Variants in DSEL observed in about 807,000 individuals in gnomAD.
DSEL encodes dermatan-sulfate epimerase-like protein.
DSEL carries 61 observed loss-of-function variants against 96.6 expected under a neutral mutation model. The ratio of observed to expected loss-of-function variants is 0.63; its 90% confidence interval spans 0.51 to 0.78. DSEL has a LOEUF of 0.78. Among genes scored for constraint, DSEL ranks in the 30% least tolerant of loss-of-function variants. The pLI is 0.00. For synonymous variants in DSEL, 514 were observed against 502.0 expected (o/e 1.02, Z -0.32); for missense variants, 1,320 against 1,430.8 (o/e 0.92, Z 1.25).
In DSEL at chr18:67,510,964, C is replaced by A. The variant is rs1449910527; in HGVS notation, c.*6G>T. 1.3e-6 allele frequency: 2 copies of A among 1,551,486 alleles called. No individual in the cohort carries two copies. Among genetic ancestry groups the A allele is most frequent in the South Asian group, 1.3e-5 (1 of 78,826 alleles). ...ATTAGTGCAAATTTCTGCTGACCTG[C>A]AGCATTTAGTCCATAAACTTTGGAT... is the stretch of plus-strand genomic sequence containing the variant. On this transcript the variant is annotated 3_prime_UTR_variant, in exon 2 of 2. Transcript: ENST00000310045.
At position 67,515,078 on chromosome 18, in the gene DSEL, G is replaced by A. The variant is rs11874529; in HGVS notation, c.-470C>T. 0.034 allele frequency: 5,895 copies of A among 172,796 alleles called. 375 individuals carry two copies. The highest frequency in any genetic ancestry group is 0.13 in the African/African-American group (5,594 of 41,740). The allele number at this position is 172,796 out of a possible 1,614,324, so 10.7% of individuals were successfully genotyped here. A position where few individuals can be genotyped will look rare whatever the true frequency, so the allele number is the denominator to read the frequency against. On this transcript the variant is annotated 5_prime_UTR_variant, in exon 2 of 2. Coordinates refer to ENST00000310045, the MANE Select transcript of DSEL (RefSeq NM_032160.3). ...CACCACACATGTATGATGCATTTGT[G>A]TATGTTTGCCCAAAGAAGATGATGA...
At position 67,510,949 on chromosome 18, in the gene DSEL, A is replaced by G. The variant is rs756588794; in HGVS notation, c.*21T>C. Reference sequence around the variant, plus strand: ...GGGTTGGTAAGTATTATTAGTGCAAATTTCTGCTGACCTGCAGCATTTAGT... The same window carrying G: ...GGGTTGGTAAGTATTATTAGTGCAAGTTTCTGCTGACCTGCAGCATTTAGT... On this transcript the variant is annotated 3_prime_UTR_variant, in exon 2 of 2. Coordinates refer to ENST00000310045, the MANE Select transcript of DSEL (RefSeq NM_032160.3). The G allele has an allele frequency of 4.5e-6, 7 of 1,539,398 alleles. No homozygotes were observed. Among genetic ancestry groups the G allele is most frequent in the Non-Finnish European group, 6.1e-6 (7 of 1,149,314 alleles).
rs754585060 is a variant in DSEL, at chr18:67,510,926, G to T, written c.*44C>A. On this transcript the variant is annotated 3_prime_UTR_variant, in exon 2 of 2. Coordinates refer to ENST00000310045, the MANE Select transcript of DSEL (RefSeq NM_032160.3). ...CTTCTGATTCATATCCACAAAGTGG[G>T]TTGGTAAGTATTATTAGTGCAAATT... 1.3e-6 allele frequency: 2 copies of T among 1,486,354 alleles called. No individual in the cohort carries two copies. The highest frequency in any genetic ancestry group is 4.5e-5 in the East Asian group (2 of 44,188). 92.1% of individuals were successfully genotyped at this position (1,486,354 alleles called of 1,614,324 possible).
Position 67,512,086 on chromosome 18 carries a change from C to A in DSEL, c.2523G>T (p.Lys841Asn), listed in dbSNP as rs370360060. 8 of 1,614,068 alleles carry A rather than the reference C, an allele frequency of 5.0e-6. No individual in the cohort carries two copies. In the African/African-American group the frequency reaches 9.3e-5, roughly 19 times the overall value. The change falls in exon 2 of 2, where the codon AAG becomes AAT. Residue 841 changes from lysine (K) to asparagine (N), a missense_variant. Physicochemically the swap from Lys to Asn is moderately conservative, Grantham distance 94 (BLOSUM62 0). Coordinates refer to ENST00000310045, the MANE Select transcript of DSEL (RefSeq NM_032160.3). The part of the protein sequence containing the change: ...WTRTEAEGSK[K>N]SLSSEGHHMD... ...TGTGGTGCCCTTCAGAAGACAAAGA[C>A]TTCTTGCTTCCCTCAGCCTCTGTCC...
Position 67,516,213 on chromosome 18 carries a change from A to G in DSEL, c.-885+148T>C, listed in dbSNP as rs1192626697. 1 of 152,240 alleles carries G rather than the reference A, an allele frequency of 6.6e-6. No homozygotes were observed. The highest frequency in any genetic ancestry group is 1.5e-5 in the Non-Finnish European group (1 of 68,056). 9.4% of individuals were successfully genotyped at this position (152,240 alleles called of 1,614,324 possible). On this transcript the variant is annotated intron_variant, in intron 1 of 1. Coordinates refer to ENST00000310045, the MANE Select transcript of DSEL (RefSeq NM_032160.3). The surrounding 1 kb of genome is among the most constrained non-coding windows in gnomAD (Gnocchi z 5.6). The stretch of plus-strand genomic sequence containing the variant: ...GACAAGTCTCCCCTCTGTAGGAAAC[A>G]TTCAGGCTAGGAGTTTCCTGATCCG...
In DSEL at chr18:67,511,069, A is replaced by G. The variant is rs1342792740; in HGVS notation, c.3540T>C (p.Asn1180=). The change falls in exon 2 of 2, where the codon AAT becomes AAC. Residue 1180 remains asparagine, a synonymous_variant. Coordinates refer to ENST00000310045, the MANE Select transcript of DSEL (RefSeq NM_032160.3). The part of the protein sequence containing the change: ...YEGEISPTNT[N]VWKQNLPRDE... ...CTCTAGGCAAGTTCTGTTTCCAAAC[A>G]TTAGTATTAGTTGGTGATATTTCCC... 1.2e-6 allele frequency: 2 copies of G among 1,613,996 alleles called. No individual in the cohort carries two copies. The highest frequency in any genetic ancestry group is 2.2e-5 in the East Asian group (1 of 44,872).
chr18:67,512,826 T>C lies in DSEL; in HGVS notation c.1783A>G (p.Ile595Val), dbSNP rs375633194. ...TGAAAGAAGGCACTGACAGAATTTA[T>C]TGGGGAATCTTCTTGCCTCTCAATA... ...DHIERQEDSP[I>V]NSVSAFFHNL... Residue 595 changes from isoleucine to valine, a missense_variant, in exon 2 of 2, where the codon ATA (isoleucine) becomes GTA (valine). Transcript: ENST00000310045. 38 of 1,613,932 alleles carry C rather than the reference T, an allele frequency of 2.4e-5. No individual in the cohort carries two copies. Among genetic ancestry groups the C allele is most frequent in the Non-Finnish European group, 3.1e-5 (37 of 1,180,040 alleles).
At position 67,508,811 on chromosome 18, in the gene DSEL, C is replaced by A. The variant is rs1166584318; in HGVS notation, c.*2159G>T. The A allele has an allele frequency of 4.0e-5, 6 of 148,542 alleles. No individual in the cohort carries two copies. Among genetic ancestry groups the A allele is most frequent in the African/African-American group, 1.5e-4 (6 of 39,950 alleles). 9.2% of individuals were successfully genotyped at this position (148,542 alleles called of 1,614,324 possible). A position where few individuals can be genotyped will look rare whatever the true frequency, so the allele number is the denominator to read the frequency against. Reference sequence around the variant, plus strand: ...GTGGCGCATCTCCACTCACTGCAAGCTCTGCCTCCCAGGTTCATGCCATTC... The same window carrying A: ...GTGGCGCATCTCCACTCACTGCAAGATCTGCCTCCCAGGTTCATGCCATTC... On this transcript the variant is annotated 3_prime_UTR_variant, in exon 2 of 2. Coordinates refer to ENST00000310045, the MANE Select transcript of DSEL (RefSeq NM_032160.3).
rs760505235 is a variant in DSEL at position 67,512,905 on chromosome 18, A to C, written c.1704T>G (p.Ser568Arg). The C allele has an allele frequency of 3.2e-5, 51 of 1,614,092 alleles. No individual in the cohort carries two copies. The highest frequency in any genetic ancestry group is 4.2e-5 in the Non-Finnish European group (50 of 1,180,060). Residue 568 changes from serine (S) to arginine (R), a missense_variant, in exon 2 of 2, where the codon AGT becomes AGG. Physicochemically the swap from Ser to Arg is moderately radical, Grantham distance 110. This residue lies in a region of DSEL where 986 missense variants were observed against 1,066.4 expected (regional missense o/e 0.92). Coordinates refer to ENST00000310045, the MANE Select transcript of DSEL (RefSeq NM_032160.3). Reference protein sequence around the residue: ...SAYSSAMRLKSVYRALLLLNS... With the variant: ...SAYSSAMRLKRVYRALLLLNS... ...TTAAGAGAAGCAAAGCACGATATAC[A>C]CTTTTCAGTCTCATTGCTGAAGAAT...
rs1414189935 is a variant in DSEL, at chr18:67,510,121, A to C, written c.*849T>G. On this transcript the variant is annotated 3_prime_UTR_variant, in exon 2 of 2. Transcript: ENST00000310045. Reference sequence around the variant, plus strand: ...GGGGAAAATGCCCCACAATATTGAGAGTTCAGCGATTAGTAACTACTGATT... The same window carrying C: ...GGGGAAAATGCCCCACAATATTGAGCGTTCAGCGATTAGTAACTACTGATT... The C allele has an allele frequency of 6.6e-6, 1 of 152,350 alleles. No individual in the cohort carries two copies. The highest frequency in any genetic ancestry group is 6.5e-5 in the Admixed American group (1 of 15,302). 9.4% of individuals were successfully genotyped at this position (152,350 alleles called of 1,614,324 possible).
chr18:67,513,491 G>C lies in DSEL; in HGVS notation c.1118C>G (p.Pro373Arg). ...QIRKHRPKDG[P>R]MVPSTAQRWS... The stretch of plus-strand genomic sequence containing the variant: ...CCTTTGGGCAGTTGAAGGAACCATC[G>C]GTCCATCTTTAGGTCGGTGCTTTCT... The change falls in exon 2 of 2, where the codon CCG becomes CGG. Residue 373 changes from proline to arginine, a missense_variant. Physicochemically the swap from Pro to Arg is moderately radical, Grantham distance 103 (BLOSUM62 -2). Coordinates refer to ENST00000310045, the MANE Select transcript of DSEL (RefSeq NM_032160.3). The C allele has an allele frequency of 1.2e-6, 2 of 1,614,112 alleles. No individual in the cohort carries two copies.
rs751679229 is a variant in DSEL at position 67,511,441 on chromosome 18, C to T, written c.3168G>A (p.Glu1056=). The change falls in exon 2 of 2, where the codon GAG becomes GAA. Residue 1056 remains glutamate, a synonymous_variant. Transcript: ENST00000310045. ...CTATTTTAAACAATTTTGCTAAATG[C>T]TCTGGTACATTCTTCAAAGAATAAA... ...PSLYSLKNVP[E]HLAKLFKIEG... 5.0e-6 allele frequency: 8 copies of T among 1,606,666 alleles called. No individual in the cohort carries two copies. The East Asian group carries it at 1.1e-4, about 22-fold the overall frequency.
At chr18:67,515,928 G>C (rs1398997303) in intron 1 of DSEL, among the ~76,000 whole-genome samples, 1 of 149,998 alleles carries the variant, frequency 6.7e-6, no homozygotes, top group Non-Finnish European at 1.5e-5. Context: ...TTTTAATTCC[G>C]GGGGAAGGTT....
Position 67,512,209 on chromosome 18 carries a change from T to G in DSEL, c.2400A>C (p.Leu800=). 1.2e-6 allele frequency: 2 copies of G among 1,614,188 alleles called. No homozygotes were observed. Among genetic ancestry groups the G allele is most frequent in the East Asian group, 4.5e-5 (2 of 44,880 alleles). ...QWRFYLSFRK[L]MRWILILVIA... is the part of the protein sequence containing the mutation. ...TAACAAGTATTAATATCCATCGCATTAGTTTTCTAAAAGAAAGGTAAAAAC... is the reference window on the plus strand; with the variant it reads ...TAACAAGTATTAATATCCATCGCATGAGTTTTCTAAAAGAAAGGTAAAAAC... Residue 800 remains leucine, a synonymous_variant, in exon 2 of 2, where the codon CTA becomes CTC. Coordinates refer to ENST00000310045, the MANE Select transcript of DSEL (RefSeq NM_032160.3).
In DSEL at chr18:67,513,233, C is replaced by A. The variant is rs1365586737; in HGVS notation, c.1376G>T (p.Gly459Val). Reference sequence around the variant, plus strand: ...ATGTCCTGGGTTAAAACTTCTCCACCCATCAATCCAGGAATATGGCTGAAA... The same window carrying A: ...ATGTCCTGGGTTAAAACTTCTCCACACATCAATCCAGGAATATGGCTGAAA... ...VHFQPYSWIDGWRSFNPGHEH... is the reference protein window; with the variant it reads ...VHFQPYSWIDVWRSFNPGHEH... The change falls in exon 2 of 2, where the codon GGG becomes GTG. Residue 459 changes from glycine to valine, a missense_variant. Transcript: ENST00000310045. 1 of 1,614,146 alleles carries A rather than the reference C, an allele frequency of 6.2e-7. No individual in the cohort carries two copies. Among genetic ancestry groups the A allele is most frequent in the South Asian group, 1.1e-5 (1 of 91,080 alleles).
chr18:67,508,611 G>A lies in DSEL; in HGVS notation c.*2359C>T, dbSNP rs1028942935. ...ACCTTTCTTTTGCTATCAATGACGT[G>A]TTCCCATATTCATTCTCAGTGTAAC... is the stretch of plus-strand genomic sequence containing the variant. On this transcript the variant is annotated 3_prime_UTR_variant, in exon 2 of 2. Transcript: ENST00000310045. 5.9e-5 allele frequency: 9 copies of A among 151,680 alleles called. No individual in the cohort carries two copies. The highest frequency in any genetic ancestry group is 8.8e-5 in the Non-Finnish European group (6 of 67,992). The allele number at this position is 151,680 out of a possible 1,614,324, so 9.4% of individuals were successfully genotyped here. A position where few individuals can be genotyped will look rare whatever the true frequency, so the allele number is the denominator to read the frequency against.
Position 67,511,089 on chromosome 18 carries a change from T to G in DSEL, c.3520A>C (p.Ile1174Leu). Residue 1174 changes from isoleucine (I) to leucine (L), a missense_variant, in exon 2 of 2, where the codon ATA becomes CTA. This residue lies in a region of DSEL where 986 missense variants were observed against 1,066.4 expected (regional missense o/e 0.92). Transcript: ENST00000310045. ...NLFYLPYEGE[I>L]SPTNTNVWKQ... ...CAAACATTAGTATTAGTTGGTGATA[T>G]TTCCCCTTCATAGGGAAGGTAAAAA... 6.2e-7 allele frequency: 1 copy of G among 1,614,152 alleles called. No homozygotes were observed. The highest frequency in any genetic ancestry group is 8.5e-7 in the Non-Finnish European group (1 of 1,180,002).
At position 67,516,278 on chromosome 18, in the gene DSEL, T is replaced by A. The variant is rs2089475945; in HGVS notation, c.-885+83A>T. 6.5e-6 allele frequency: 1 copy of A among 152,678 alleles called. No homozygotes were observed. 9.5% of individuals were successfully genotyped at this position (152,678 alleles called of 1,614,324 possible). On this transcript the variant is annotated intron_variant, in intron 1 of 1. Coordinates refer to ENST00000310045, the MANE Select transcript of DSEL (RefSeq NM_032160.3). The surrounding 1 kb of genome is among the most constrained non-coding windows in gnomAD (Gnocchi z 5.6). ...TTTTTTCACTGGCGTCCTCCGACCC[T>A]GCCGCCCCCATTCTCCGCTCCCCGC...
rs1010570391 is a variant in DSEL, at chr18:67,508,347, A to G, written c.*2623T>C. On this transcript the variant is annotated 3_prime_UTR_variant, in exon 2 of 2. Coordinates refer to ENST00000310045, the MANE Select transcript of DSEL (RefSeq NM_032160.3). ...GTCTCAGGCACCATCACATGCATAC[A>G]TACCCAATGGATGTGTCACCCGCTC... 1 of 152,246 alleles carries G rather than the reference A, an allele frequency of 6.6e-6. No homozygotes were observed. The highest frequency in any genetic ancestry group is 1.5e-5 in the Non-Finnish European group (1 of 68,054). The allele number at this position is 152,246 out of a possible 1,614,324, so 9.4% of individuals were successfully genotyped here.
Sources: gnomAD v4.1 joint callset for allele counts (sites outside exome capture counted in the v4.1 genomes callset) on GRCh38, gnomAD v4.1.1 for gene constraint, gnomAD v4.1.1 regional missense constraint, Gnocchi (gnomAD v3.1) non-coding constraint, MANE v1.5 for transcripts, NCBI Gene and HGNC (gene_info 2026-07-23, HGNC 2026-07-21) for gene names.